HAVCR2: variants seen among roughly 807,000 people sequenced by gnomAD.
HAVCR2 encodes the protein T cell immunoglobulin mucin 3.
HAVCR2 carries 13 observed loss-of-function variants against 24.7 expected under a neutral mutation model. That is an observed-to-expected ratio of 0.53 (90% confidence interval 0.34 to 0.84). The LOEUF (loss-of-function observed/expected upper bound fraction) is 0.84, where lower values mean the gene tolerates loss of function less well. Among genes scored for constraint, HAVCR2 ranks in the 40% least tolerant of loss-of-function variants. The probability of loss-of-function intolerance (pLI) is 0.01; values close to 1 mark genes in which losing one functional copy is unlikely to be tolerated. For missense variants in HAVCR2, 343 were observed against 371.2 expected (o/e 0.92, Z 0.62); for synonymous variants, 154 against 143.4 (o/e 1.07, Z -0.53).
intron 4 of HAVCR2, among the ~76,000 whole-genome samples, chr5:157,096,861 T>C (rs1757100695): frequency 6.6e-6 from 1 of 151,542 alleles, no homozygotes; most frequent in Admixed American, 6.6e-5. Context: ...GAAGCTGAGA[T>C]GGGAGGATCA....
chr5:157,087,773 A>G (rs1052361810), intron 6 of HAVCR2, among the ~76,000 whole-genome samples: 1 of 151,916 alleles, frequency 6.6e-6, no homozygotes, highest in African/African-American at 2.4e-5. Context: ...GCGTGGTGGC[A>G]TGCACCTGTA....
intron 2 of HAVCR2, among the ~76,000 whole-genome samples, chr5:157,105,559 T>C (rs1364523520): frequency 6.6e-6 from 1 of 152,162 alleles, no homozygotes; most frequent in Non-Finnish European, 1.5e-5. Context: ...TCACATAAAA[T>C]CCTTCTAATG....
chr5:157,095,012 C>A (rs1757073472), intron 5 of HAVCR2, among the ~76,000 whole-genome samples: 1 of 152,206 alleles, frequency 6.6e-6, no homozygotes, highest in African/African-American at 2.4e-5. Context: ...CTCGGGAAGG[C>A]AGCTTACTCT....
At chr5:157,095,585 C>A (rs910177390) in intron 4 of HAVCR2, 126 bp from the exon 5 acceptor site, 42 of 986,328 alleles carry the variant, frequency 4.3e-5, no homozygotes, top group Non-Finnish European at 6.0e-5. Flanking sequence ...CTTCAAATCA[C>A]CTTTGATCTG....
chr5:157,094,245 C>A (rs928690597), intron 5 of HAVCR2, among the ~76,000 whole-genome samples: 37 of 151,790 alleles, frequency 2.4e-4, no homozygotes, highest in South Asian at 4.2e-4. Flanking sequence ...TGCTTTGCTG[C>A]CCAGGCTGAT....
At chr5:157,094,663 G>C (rs746183373) in intron 5 of HAVCR2, among the ~76,000 whole-genome samples, 5 of 151,478 alleles carry the variant, frequency 3.3e-5, no homozygotes, top group Non-Finnish European at 7.4e-5. Flanking sequence ...GATTACAGGC[G>C]TGAGCCACTG....
At chr5:157,104,977 G>A (rs958349206) in intron 2 of HAVCR2, 7 of 275,508 alleles carry the variant, frequency 2.5e-5, no homozygotes, top group South Asian at 9.4e-5. Context: ...TATTAATAGC[G>A]GAACTAACAG....
At chr5:157,091,722 G>A (rs1757005906) in intron 5 of HAVCR2, among the ~76,000 whole-genome samples, 1 of 152,200 alleles carries the variant, frequency 6.6e-6, no homozygotes, top group Non-Finnish European at 1.5e-5. Context: ...AGATGACTCA[G>A]AAGAAAGGGA....
chr5:157,097,162 C>A lies in HAVCR2; in HGVS notation c.522+1696G>T, dbSNP rs528234398. Among the ~76,000 whole-genome samples the A allele has an allele frequency of 2.2e-4, 34 of 151,596 alleles. No homozygotes were observed. The South Asian group carries it at 7.1e-3, about 32-fold the overall frequency. On this transcript the variant is annotated intron_variant, in intron 4 of 6. Coordinates refer to ENST00000307851, the MANE Select transcript of HAVCR2 (RefSeq NM_032782.5). ...TGTTTGATTGCAAAGAGAGAAGGAG[C>A]AAATACAAGATGCTGAGCATCAGTT...
intron 5 of HAVCR2, among the ~76,000 whole-genome samples, chr5:157,090,727 A>G (rs776712823): frequency 2.7e-4 from 41 of 152,210 alleles, no homozygotes; most frequent in Admixed American, 5.9e-4. Flanking sequence ...GAATAAAGAA[A>G]TGAGAAGATA....
rs1317770801 is a variant in HAVCR2 at position 157,087,013 on chromosome 5, T to C, written c.*89A>G. On this transcript the variant is annotated 3_prime_UTR_variant, in exon 7 of 7. Transcript: ENST00000307851. ...ATGGGAAAACTCTGCTCCATAGCAG[T>C]GGACAGAACCTCCAAAACCAGTCAG... is the stretch of plus-strand genomic sequence containing the variant. The C allele has an allele frequency of 1.6e-5, 18 of 1,157,098 alleles. No homozygotes were observed. The highest frequency in any genetic ancestry group is 2.6e-4 in the Middle Eastern group (1 of 3,812). 71.7% of individuals were successfully genotyped at this position (1,157,098 alleles called of 1,614,324 possible).
At position 157,106,887 on chromosome 5, in the gene HAVCR2, G is replaced by T. The variant is rs1757260954; in HGVS notation, c.134C>A (p.Pro45Gln). The T allele has an allele frequency of 1.2e-6, 2 of 1,614,082 alleles. No individual in the cohort carries two copies. The highest frequency in any genetic ancestry group is 2.7e-5 in the African/African-American group (2 of 74,930). The change falls in exon 2 of 7, where the codon CCA becomes CAA. Residue 45 changes from proline to glutamine, a missense_variant. Pro to Gln is a moderately conservative substitution (Grantham distance 76). Transcript: ENST00000307851. ...YLPCFYTPAA[P>Q]GNLVPVCWGK... ...CCAGCAGACGGGCACGAGGTTCCCT[G>T]GGGCGGCTGGGGTGTAGAAGCAGGG...
intron 5 of HAVCR2, among the ~76,000 whole-genome samples, chr5:157,090,499 C>A (rs1427694737): frequency 1.3e-5 from 2 of 152,028 alleles, no homozygotes; most frequent in African/African-American, 4.8e-5. Flanking sequence ...GAGGCTGAGG[C>A]AGGAGAGTTG....
chr5:157,093,778 C>T (rs955994566), intron 5 of HAVCR2, among the ~76,000 whole-genome samples: 3 of 152,096 alleles, frequency 2.0e-5, no homozygotes, highest in Non-Finnish European at 4.4e-5. Context: ...AACCCTGTCT[C>T]TACTAAAAAT....
At chr5:157,105,339 T>A (rs1478004252) in intron 2 of HAVCR2, among the ~76,000 whole-genome samples, 1 of 152,138 alleles carries the variant, frequency 6.6e-6, no homozygotes, top group Non-Finnish European at 1.5e-5. Flanking sequence ...GCTGGGATTA[T>A]AGGCATGAGC....
At chr5:157,104,792 A>G (rs1210737473) in intron 2 of HAVCR2, 43 bp from the exon 3 acceptor site, 1 of 1,393,218 alleles carries the variant, frequency 7.2e-7, no homozygotes, top group East Asian at 2.4e-5. Context: ...ATCTGAGAGC[A>G]GAAAGCTTAT....
rs1374358354 is a variant in HAVCR2 at position 157,094,041 on chromosome 5, C to CTT, written c.676+1263_676+1264dup. 1.4e-3 allele frequency among the ~76,000 whole-genome samples: 196 copies of CTT among 136,334 alleles called. 4 individuals are homozygous for CTT. Among genetic ancestry groups the CTT allele is most frequent in the East Asian group, 4.6e-3 (22 of 4,788 alleles). The allele number at this position is 136,334 out of a possible 152,430, so 89.4% of individuals were successfully genotyped here. On this transcript the variant is annotated intron_variant, in intron 5 of 6. Coordinates refer to ENST00000307851, the MANE Select transcript of HAVCR2 (RefSeq NM_032782.5). ...AAAATTCATCAACTTCAACACACTT[C>CTT]TTTTTTTTTTTTTTTTTGGAGACTG...
Position 157,095,384 on chromosome 5 carries a change from T to C in HAVCR2, c.598A>G (p.Arg200Gly), listed in dbSNP as rs777485384. The C allele has an allele frequency of 6.2e-7, 1 of 1,614,062 alleles. No homozygotes were observed. Among genetic ancestry groups the C allele is most frequent in the Non-Finnish European group, 8.5e-7 (1 of 1,180,036 alleles). The change falls in exon 5 of 7, where the codon AGA becomes GGA. Residue 200 changes from arginine (R) to glycine (G), a missense_variant. By Grantham distance (125) the Arg-to-Gly change is moderately radical. Coordinates refer to ENST00000307851, the MANE Select transcript of HAVCR2 (RefSeq NM_032782.5). ...CCTGCTCCGATGTAGATGCCTATTCTGATGGTTGCTCCAGAGTCCCGTAAG... is the reference window on the plus strand; with the variant it reads ...CCTGCTCCGATGTAGATGCCTATTCCGATGGTTGCTCCAGAGTCCCGTAAG... ...NDLRDSGATI[R>G]IGIYIGAGIC... is the part of the protein sequence containing the mutation.
chr5:157,093,773 T>C (rs1033368529), intron 5 of HAVCR2, among the ~76,000 whole-genome samples: 6 of 152,118 alleles, frequency 3.9e-5, no homozygotes, highest in African/African-American at 1.4e-4. Context: ...GGTGAAACCC[T>C]GTCTCTACTA....
Sources: allele counts gnomAD v4.1 joint callset (sites outside exome capture counted in the v4.1 genomes callset), GRCh38; gene constraint gnomAD v4.1.1; transcripts MANE v1.5; gene names NCBI Gene and HGNC (gene_info 2026-07-23, HGNC 2026-07-21).